ITGAD: variants seen among roughly 807,000 people sequenced by gnomAD.
ITGAD encodes integrin alpha-D.
In ITGAD, 105 loss-of-function variants were observed where a neutral mutation model predicts 139.0. That is an observed-to-expected ratio of 0.76 (90% confidence interval 0.65 to 0.89). The LOEUF (loss-of-function observed/expected upper bound fraction) is 0.89, where lower values mean the gene tolerates loss of function less well. Ranked by LOEUF, ITGAD falls within the 40% of genes least tolerant of loss-of-function variation. The pLI, the probability that ITGAD is intolerant of heterozygous loss-of-function variation, is 0.00. For missense variants in ITGAD, 1,384 were observed against 1,487.3 expected, an observed-to-expected ratio of 0.93 and a Z score of 1.14; for synonymous variants, 569 against 598.3, an observed-to-expected ratio of 0.95 and a Z score of 0.71.
At position 31,394,309 on chromosome 16, in the gene ITGAD, T is replaced by C. The variant is rs765137673; in HGVS notation, c.105T>C (p.Phe35=). Residue 35 remains phenylalanine, a synonymous_variant, in exon 2 of 30, where the codon TTT becomes TTC. Transcript: ENST00000389202. ...PTIFQEDAGG[F]GQSVVQFGGS... Reference sequence around the variant, plus strand: ...TCTTCCAGGAGGATGCAGGCGGCTTTGGGCAGAGCGTGGTGCAGTTCGGTG... The same window carrying C: ...TCTTCCAGGAGGATGCAGGCGGCTTCGGGCAGAGCGTGGTGCAGTTCGGTG... 5.0e-6 allele frequency: 8 copies of C among 1,613,670 alleles called. No individual in the cohort carries two copies. In the East Asian group the frequency reaches 1.8e-4, roughly 36 times the overall value.
In ITGAD at chr16:31,403,722, C is replaced by A; in HGVS notation, c.704+77C>A. 1 of 1,564,358 alleles carries A rather than the reference C, an allele frequency of 6.4e-7. No individual in the cohort carries two copies. The highest frequency in any genetic ancestry group is 8.8e-7 in the Non-Finnish European group (1 of 1,142,416). On this transcript the variant is annotated intron_variant, in intron 7 of 29. Coordinates refer to ENST00000389202, the MANE Select transcript of ITGAD (RefSeq NM_005353.3). This position sits in a 1 kb window ranked among gnomAD's most constrained non-coding sequence, Gnocchi z 4.4. ...AACCCTGGGTCAGCACAGCTCTTCT[C>A]AGAGGCTGAGGGAGGCTCCAGGGAA...
At chr16:31,395,165 A>G (rs990175024) in intron 2 of ITGAD, among the ~76,000 whole-genome samples, 1 of 152,088 alleles carries the variant, frequency 6.6e-6, no homozygotes, top group Non-Finnish European at 1.5e-5. Context: ...AAAAATGCAA[A>G]AAAAATTAGC....
Position 31,423,628 on chromosome 16 carries a change from A to C in ITGAD, c.3025A>C (p.Ile1009Leu). ...PPQHSDFLTQ[I>L]SRSPMLDCSI... The stretch of plus-strand genomic sequence containing the variant: ...CCAGCATTCTGACTTCCTGACCCAG[A>C]TTTCAAGAAGTCCCATGCTGGTGAG... The change falls in exon 26 of 30, where the codon ATT (isoleucine) becomes CTT (leucine). Residue 1009 changes from isoleucine (I) to leucine (L), a missense_variant. Transcript: ENST00000389202. The C allele has an allele frequency of 6.2e-7, 1 of 1,614,060 alleles. No homozygotes were observed.
At position 31,411,299 on chromosome 16, in the gene ITGAD, G is replaced by A; in HGVS notation, c.1498-9G>A. Reference sequence around the variant, plus strand: ...TGGATTGGGGTCTGACACTGCTTGTGTTCAGCAGAGGGTGCAGTGGCAGTG... The same window carrying A: ...TGGATTGGGGTCTGACACTGCTTGTATTCAGCAGAGGGTGCAGTGGCAGTG... On this transcript the variant is annotated splice_polypyrimidine_tract_variant and intron_variant, in intron 13 of 29. Transcript: ENST00000389202. 3.1e-6 allele frequency: 5 copies of A among 1,610,628 alleles called. No homozygotes were observed. Among genetic ancestry groups the A allele is most frequent in the Non-Finnish European group, 4.2e-6 (5 of 1,177,572 alleles).
intron 1 of ITGAD, among the ~76,000 whole-genome samples, chr16:31,393,722 G>A (rs1181737392): frequency 1.3e-5 from 2 of 152,086 alleles, no homozygotes; most frequent in African/African-American, 4.8e-5. Context: ...AGCCACCAGG[G>A]AGGGGGAAAG....
At position 31,418,188 on chromosome 16, in the gene ITGAD, T is replaced by C. The variant is rs757627944; in HGVS notation, c.2613T>C (p.Ser871=). 6 of 1,613,500 alleles carry C rather than the reference T, an allele frequency of 3.7e-6. No homozygotes were observed. The highest frequency in any genetic ancestry group is 3.3e-5 in the South Asian group (3 of 91,060). The stretch of plus-strand genomic sequence containing the variant: ...ACCACCCCATCTTCCATGAGGGCTC[T>C]AACGTCAGTGCTTCTCCCTAAATCC... ...SVNHPIFHEG[S]NGTFIVTFDV... Residue 871 remains serine (S), a synonymous_variant, in exon 21 of 30, where the codon TCT becomes TCC. Transcript: ENST00000389202.
In ITGAD at chr16:31,411,456, G is replaced by A. The variant is rs376432799; in HGVS notation, c.1646G>A (p.Arg549Gln). 13 of 1,614,002 alleles carry A rather than the reference G, an allele frequency of 8.1e-6. No homozygotes were observed. The highest frequency in any genetic ancestry group is 4.5e-5 in the East Asian group (2 of 44,894). ...AIGAPGEQEN[R>Q]GAVYLFHGAS... The stretch of plus-strand genomic sequence containing the variant: ...GGGGCCCCGGGAGAGCAGGAGAACC[G>A]GGGTGCTGTCTACCTGTTTCACGGA... The change falls in exon 14 of 30, where the codon CGG (arginine) becomes CAG (glutamine). Residue 549 changes from arginine to glutamine, a missense_variant. Physicochemically the swap from Arg to Gln is conservative, Grantham distance 43. Transcript: ENST00000389202.
intron 7 of ITGAD, chr16:31,404,766 C>A (rs1459834917): frequency 6.6e-6 from 1 of 152,238 alleles, no homozygotes; most frequent in Non-Finnish European, 1.5e-5. Context: ...GATTGGACCT[C>A]CCTGCTGCCG....
Position 31,410,762 on chromosome 16 carries a change from A to T in ITGAD, c.1240A>T (p.Lys414Ter). The change falls in exon 12 of 30, where the codon AAG (lysine) becomes TAG (stop). Residue 414 changes from lysine (K) to a stop codon, truncating the protein, a stop_gained. Transcript: ENST00000389202. LOFTEE classifies it high-confidence loss of function. ...TTACTCCACCGAGCTAGCCCTGTGG[A>T]AGGGGGTACAGAACCTGGTCCTGGG... ...LGYSTELALW[K>*]GVQNLVLGAP... The T allele has an allele frequency of 6.2e-7, 1 of 1,612,748 alleles. No homozygotes were observed. The highest frequency in any genetic ancestry group is 8.5e-7 in the Non-Finnish European group (1 of 1,179,690).
intron 29 of ITGAD, among the ~76,000 whole-genome samples, chr16:31,425,045 G>A (rs1567358082): frequency 6.6e-6 from 1 of 152,094 alleles, no homozygotes; most frequent in Non-Finnish European, 1.5e-5. Context: ...TAGGCAAGTT[G>A]CTCCACCTCT....
chr16:31,424,962 G>A (rs2082084181), intron 29 of ITGAD, among the ~76,000 whole-genome samples: 1 of 152,266 alleles, frequency 6.6e-6, no homozygotes, highest in South Asian at 2.1e-4. Flanking sequence ...CTGATATAGT[G>A]AGAACTCAGA....
rs768782979 is a variant in ITGAD at position 31,403,567 on chromosome 16, C to G, written c.626C>G (p.Pro209Arg). Residue 209 changes from proline (P) to arginine (R), a missense_variant, in exon 7 of 30, where the codon CCG becomes CGG. Pro to Arg is a moderately radical substitution (Grantham distance 103). Transcript: ENST00000389202. The surrounding 1 kb of genome is among the most constrained non-coding windows in gnomAD (Gnocchi z 4.4). ...HFTFTQFRTS[P>R]SQQSLVDPIV... ...ACCTTCACCCAATTCCGGACCAGCC[C>G]GAGCCAGCAGAGCCTGGTGGATCCC... The G allele has an allele frequency of 5.1e-5, 83 of 1,614,064 alleles. No homozygotes were observed. Among genetic ancestry groups the G allele is most frequent in the Non-Finnish European group, 6.8e-5 (80 of 1,180,046 alleles).
intron 23 of ITGAD, among the ~76,000 whole-genome samples, chr16:31,419,348 T>C (rs1054147993): frequency 1.8e-4 from 28 of 152,236 alleles, no homozygotes; most frequent in Non-Finnish European, 2.9e-5. Flanking sequence ...TATGTCTAGA[T>C]ACACAAATAC....
intron 29 of ITGAD, chr16:31,424,790 A>C (rs921871582): frequency 2.7e-6 from 1 of 375,634 alleles, no homozygotes; most frequent in Non-Finnish European, 4.8e-6. Context: ...GTAGAGATGG[A>C]GTTTCATCAT....
At position 31,399,301 on chromosome 16, in the gene ITGAD, G is replaced by T. The variant is rs1482254743; in HGVS notation, c.427+1392G>T. On this transcript the variant is annotated intron_variant, in intron 5 of 29. Coordinates refer to ENST00000389202, the MANE Select transcript of ITGAD (RefSeq NM_005353.3). Reference sequence around the variant, plus strand: ...CATAAAGCACTTGGAACCCTGCCTGGCACATAGTATGTGATAGCCCCTCTG... The same window carrying T: ...CATAAAGCACTTGGAACCCTGCCTGTCACATAGTATGTGATAGCCCCTCTG... Among the ~76,000 whole-genome samples the T allele has an allele frequency of 2.0e-5, 3 of 152,196 alleles. No individual in the cohort carries two copies. In the South Asian group the frequency reaches 6.2e-4, roughly 31 times the overall value.
intron 10 of ITGAD, among the ~76,000 whole-genome samples, chr16:31,409,454 C>T (rs1247156257): frequency 6.6e-6 from 1 of 152,050 alleles, no homozygotes; most frequent in African/African-American, 2.4e-5. Flanking sequence ...GTAGGTCACA[C>T]ATACTTGGGG....
At chr16:31,399,016 G>A (rs2081340655) in intron 5 of ITGAD, among the ~76,000 whole-genome samples, 2 of 152,190 alleles carry the variant, frequency 1.3e-5, no homozygotes, top group South Asian at 4.1e-4. Context: ...CTCTCGAAGA[G>A]GAGCAAATGA....
At chr16:31,425,882 T>C (rs1041309232) in intron 29 of ITGAD, 133 bp from the exon 30 acceptor site, 12 of 590,264 alleles carry the variant, frequency 2.0e-5, no homozygotes, top group African/African-American at 1.9e-4. Context: ...GGTTTCACCA[T>C]GTTGGCCAGG....
In ITGAD at chr16:31,424,583, T is replaced by C; in HGVS notation, c.3372+6T>C. ...TCACAGCCACACTGTACAAGGCAAGTGTTTTATCCAACTCTTTTTTTTTTT... is the reference window on the plus strand; with the variant it reads ...TCACAGCCACACTGTACAAGGCAAGCGTTTTATCCAACTCTTTTTTTTTTT... On this transcript the variant is annotated splice_donor_region_variant and intron_variant, in intron 29 of 29. Transcript: ENST00000389202. 6.4e-7 allele frequency: 1 copy of C among 1,566,154 alleles called. No individual in the cohort carries two copies. The highest frequency in any genetic ancestry group is 8.6e-7 in the Non-Finnish European group (1 of 1,159,422).
Sources: gnomAD v4.1 joint callset for allele counts (sites outside exome capture counted in the v4.1 genomes callset) on GRCh38, gnomAD v4.1.1 for gene constraint, Gnocchi (gnomAD v3.1) non-coding constraint, MANE v1.5 for transcripts, NCBI Gene and HGNC (gene_info 2026-07-23, HGNC 2026-07-21) for gene names.